Variants in ALK observed in about 807,000 individuals in gnomAD.
The protein encoded by ALK is ALK receptor tyrosine kinase.
ALK carries 74 observed loss-of-function variants against 163.1 expected under a neutral mutation model. That is an observed-to-expected ratio of 0.45 (90% CI 0.38 to 0.55). ALK has a LOEUF of 0.55. ALK is among the 20% of genes least tolerant of loss of function. ALK has a pLI of 0.00. For synonymous variants in ALK, 960 were observed against 843.2 expected, an observed-to-expected ratio of 1.14 and a Z score of -2.40; for missense variants, 2,063 against 2,105.3, an observed-to-expected ratio of 0.98 and a Z score of 0.39.
chr2:29,547,359 G>A (rs191150732), intron 3 of ALK, among the ~76,000 whole-genome samples: 6 of 152,322 alleles, frequency 3.9e-5, no homozygotes, highest in African/African-American at 1.4e-4. Flanking sequence ...CATTTTGGGA[G>A]GCCGAGGTGG....
intron 4 of ALK, among the ~76,000 whole-genome samples, chr2:29,491,709 C>T (rs1354664864): frequency 6.6e-6 from 1 of 152,192 alleles, no homozygotes; most frequent in Non-Finnish European, 1.5e-5. Context: ...TTGTTACTTT[C>T]ACTTAACGTG....
chr2:29,779,345 T>C (rs998548996), intron 1 of ALK, among the ~76,000 whole-genome samples: 2 of 152,156 alleles, frequency 1.3e-5, no homozygotes, highest in Non-Finnish European at 2.9e-5. Flanking sequence ...ACTGCTGTTA[T>C]GGTGGGCACA....
chr2:29,888,976 T>G (rs1667062628), intron 1 of ALK, among the ~76,000 whole-genome samples: 2 of 152,166 alleles, frequency 1.3e-5, no homozygotes, highest in African/African-American at 2.4e-5. Context: ...AATCCCAATG[T>G]ATAAAACCAA....
At chr2:29,902,028 G>C (rs1169636003) in intron 1 of ALK, among the ~76,000 whole-genome samples, 5 of 152,228 alleles carry the variant, frequency 3.3e-5, no homozygotes, top group Middle Eastern at 3.4e-3. Flanking sequence ...CTTCCAAAAA[G>C]ACATGAAATT....
At chr2:29,463,408 A>G (rs558694317) in intron 4 of ALK, among the ~76,000 whole-genome samples, 1 of 152,310 alleles carries the variant, frequency 6.6e-6, no homozygotes, top group East Asian at 1.9e-4. Context: ...TCTTTGGTTT[A>G]TTCAGAGCTC....
At chr2:29,448,665 G>C (rs776900482) in intron 4 of ALK, among the ~76,000 whole-genome samples, 1 of 152,112 alleles carries the variant, frequency 6.6e-6, no homozygotes, top group East Asian at 1.9e-4. Context: ...ATGGGTAAAC[G>C]GAGAGGCTGC....
intron 13 of ALK, among the ~76,000 whole-genome samples, chr2:29,236,017 A>ATT (rs771017409): frequency 4.8e-5 from 6 of 126,218 alleles, no homozygotes; most frequent in African/African-American, 8.7e-5. Flanking sequence ...TAATTTTTGT[A>ATT]TTTTTTTTTT....
chr2:29,631,389 G>T (rs1278407639), intron 3 of ALK, among the ~76,000 whole-genome samples: 1 of 152,222 alleles, frequency 6.6e-6, no homozygotes, highest in Non-Finnish European at 1.5e-5. Context: ...TTGCTGACAT[G>T]GAGGAGCCTC....
chr2:29,764,360 G>T (rs1194462619), intron 1 of ALK, among the ~76,000 whole-genome samples: 1 of 152,166 alleles, frequency 6.6e-6, no homozygotes, highest in Non-Finnish European at 1.5e-5. Flanking sequence ...AGACCCCATT[G>T]TCCTCACCTC....
At chr2:29,521,796 G>A (rs1672820314) in intron 4 of ALK, among the ~76,000 whole-genome samples, 1 of 152,152 alleles carries the variant, frequency 6.6e-6, no homozygotes, top group African/African-American at 2.4e-5. Context: ...TCCATCACCC[G>A]ATTCCATCTC....
At chr2:29,314,441 G>A (rs1453356942) in intron 8 of ALK, among the ~76,000 whole-genome samples, 4 of 152,164 alleles carry the variant, frequency 2.6e-5, no homozygotes, top group South Asian at 2.1e-4. Flanking sequence ...GGAAAGGTTC[G>A]GCTGTGTCCC....
intron 8 of ALK, among the ~76,000 whole-genome samples, chr2:29,309,431 T>C (rs183791775): frequency 1.2e-3 from 188 of 152,334 alleles, no homozygotes; most frequent in Non-Finnish European, 1.8e-3. Flanking sequence ...CTCAGCTTCA[T>C]CATGCAATGG....
intron 1 of ALK, among the ~76,000 whole-genome samples, chr2:29,800,957 T>C (rs1233019050): frequency 6.6e-6 from 1 of 152,134 alleles, no homozygotes; most frequent in East Asian, 1.9e-4. Flanking sequence ...CCGTGGGCGC[T>C]GGCCTCCCCT....
Position 29,455,066 on chromosome 2 carries a change from G to A in ALK, c.1155-71207C>T, listed in dbSNP as rs180888951. Among the ~76,000 whole-genome samples, 860 of 152,176 alleles carry A rather than the reference G, an allele frequency of 5.7e-3. 6 individuals are homozygous for A. The highest frequency in any genetic ancestry group is 5.0e-3 in the Non-Finnish European group (341 of 68,006). ...CGAGCTCTTGAAAAGGGTCCTAGAC[G>A]TCATCTAATCCAGCTCTTCACTTCT... On this transcript the variant is annotated intron_variant, in intron 4 of 28. Coordinates refer to ENST00000389048, the MANE Select transcript of ALK (RefSeq NM_004304.5).
At chr2:29,303,688 AAT>A in intron 8 of ALK, among the ~76,000 whole-genome samples, 1 of 152,336 alleles carries the variant, frequency 6.6e-6, no homozygotes. Context: ...TATACCATGG[AAT>A]ACTACAGAGC....
intron 3 of ALK, among the ~76,000 whole-genome samples, chr2:29,541,256 T>C (rs4666245): frequency 0.97 from 147,859 of 152,318 alleles, 71,943 homozygotes; most frequent in East Asian, 1. Flanking sequence ...CTATCTCTAA[T>C]AATCTCTAAC....
At position 29,633,240 on chromosome 2, in the gene ALK, G is replaced by C. The variant is rs184240507; in HGVS notation, c.952+61610C>G. On this transcript the variant is annotated intron_variant, in intron 3 of 28. Coordinates refer to ENST00000389048, the MANE Select transcript of ALK (RefSeq NM_004304.5). ...TTTTCTTCATCATAGTCATAACAGT[G>C]ATCATGTCAAAATAATCTTTAGAAC... 7.9e-5 allele frequency among the ~76,000 whole-genome samples: 12 copies of C among 152,208 alleles called. No homozygotes were observed. The East Asian group carries it at 1.9e-3, about 25-fold the overall frequency.
chr2:29,778,940 G>C (rs185684350), intron 1 of ALK, among the ~76,000 whole-genome samples: 2 of 152,174 alleles, frequency 1.3e-5, no homozygotes, highest in Non-Finnish European at 2.9e-5. Flanking sequence ...CAGATCACGA[G>C]GTCAGGAGAT....
intron 4 of ALK, among the ~76,000 whole-genome samples, chr2:29,430,366 C>T (rs536049939): frequency 6.6e-6 from 1 of 152,194 alleles, no homozygotes; most frequent in South Asian, 2.1e-4. Flanking sequence ...AGACAACCAA[C>T]TAAAAATATA....
Sources: allele counts gnomAD v4.1 joint callset (sites outside exome capture counted in the v4.1 genomes callset), GRCh38; gene constraint gnomAD v4.1.1; transcripts MANE v1.5; gene names NCBI Gene and HGNC (gene_info 2026-07-23, HGNC 2026-07-21).